SLC36A4: variants seen among roughly 807,000 people sequenced by gnomAD.
The protein encoded by SLC36A4 is solute carrier family 36 member 4, also known as neutral amino acid uniporter 4.
A neutral mutation model predicts 50.5 loss-of-function variants in SLC36A4; 49 were observed. The observed-to-expected ratio is 0.97, with a 90% confidence interval of 0.77 to 1.23. The LOEUF is 1.23. Ranked by LOEUF, SLC36A4 falls within the 50% of genes most tolerant of loss-of-function variation. The pLI is 0.00. For synonymous variants in SLC36A4, 207 were observed against 206.5 expected, an observed-to-expected ratio of 1.00 and a Z score of -0.02; for missense variants, 611 against 608.4, an observed-to-expected ratio of 1.00 and a Z score of -0.05.
intron 3 of SLC36A4, among the ~76,000 whole-genome samples, chr11:93,183,718 G>A (rs1291956236): frequency 6.7e-6 from 1 of 148,946 alleles, no homozygotes; most frequent in Non-Finnish European, 1.5e-5. Context: ...TTTTTTTTGA[G>A]ACAGAGTCTT....
chr11:93,148,539 A>C lies in SLC36A4; in HGVS notation c.1513T>G (p.Ter505GluextTer1), dbSNP rs564894719. 2.3e-4 allele frequency: 367 copies of C among 1,604,328 alleles called. 3 individuals carry two copies. In the South Asian group the frequency reaches 3.4e-3, roughly 15 times the overall value. The change falls in exon 11 of 11, where the codon TAG becomes GAG. Residue 505 changes from the stop codon to glutamate (E), a stop_lost. Coordinates refer to ENST00000326402, the MANE Select transcript of SLC36A4 (RefSeq NM_152313.4). ...GAAGACTCATGATTCTGCTTTTACT[A>C]TTTCAAACCAGATGTTAAGCATGTT... ...NSTCLTSGLK[*>E]
chr11:93,180,363 A>T (rs1012246506), intron 6 of SLC36A4: 1 of 979,388 alleles, frequency 1.0e-6, no homozygotes, highest in African/African-American at 1.8e-5. Flanking sequence ...TTTTGGACAC[A>T]GTGTCTTTTT....
At position 93,197,585 on chromosome 11, in the gene SLC36A4, G is replaced by GC; in HGVS notation, c.55+192dup. ...ACACATATTTTAACGCCCTATTCAG[G>GC]CCTGGGCTTCGTCTGACCAAGTTCT... On this transcript the variant is annotated intron_variant, in intron 1 of 10. Transcript: ENST00000326402. 8.1e-6 allele frequency: 5 copies of GC among 616,754 alleles called. No homozygotes were observed. The South Asian group carries it at 9.7e-5, about 12-fold the overall frequency. 38.2% of individuals were successfully genotyped at this position (616,754 alleles called of 1,614,324 possible).
At chr11:93,196,202 G>A (rs1340288043) in intron 1 of SLC36A4, among the ~76,000 whole-genome samples, 2 of 152,058 alleles carry the variant, frequency 1.3e-5, no homozygotes, top group African/African-American at 4.8e-5. Flanking sequence ...ACTTTTAATG[G>A]TAGGCAATGT....
chr11:93,191,369 G>T (rs534489045), intron 1 of SLC36A4, among the ~76,000 whole-genome samples: 10 of 152,318 alleles, frequency 6.6e-5, no homozygotes, highest in Admixed American at 3.9e-4. Flanking sequence ...AGAAACTTTA[G>T]GTTGGTTTAA....
chr11:93,176,249 T>G (rs964011079), intron 6 of SLC36A4, among the ~76,000 whole-genome samples: 2 of 151,458 alleles, frequency 1.3e-5, no homozygotes, highest in African/African-American at 4.9e-5. Context: ...AAGTCTGTTT[T>G]ATCAGAGACT....
At chr11:93,166,549 C>T (rs1389189357) in intron 7 of SLC36A4, 1 of 252,924 alleles carries the variant, frequency 4.0e-6, no homozygotes, top group Non-Finnish European at 6.3e-6. Flanking sequence ...TGATGGTTGT[C>T]ATTACCCTTA....
rs1271222673 is a variant in SLC36A4 at position 93,145,524 on chromosome 11, C to A, written c.*3013G>T. On this transcript the variant is annotated 3_prime_UTR_variant, in exon 11 of 11. Transcript: ENST00000326402. Reference sequence around the variant, plus strand: ...AAACGTCTGAGAACCAGTGTTTTGACAAGTTGACTCTGATACTGATGAAAC... The same window carrying A: ...AAACGTCTGAGAACCAGTGTTTTGAAAAGTTGACTCTGATACTGATGAAAC... 6.6e-6 allele frequency: 1 copy of A among 152,028 alleles called. No homozygotes were observed. Among genetic ancestry groups the A allele is most frequent in the Non-Finnish European group, 1.5e-5 (1 of 67,988 alleles). The allele number at this position is 152,028 out of a possible 1,614,324, so 9.4% of individuals were successfully genotyped here.
chr11:93,179,330 T>G (rs978094852), intron 6 of SLC36A4, among the ~76,000 whole-genome samples: 1 of 152,174 alleles, frequency 6.6e-6, no homozygotes, highest in Non-Finnish European at 1.5e-5. Context: ...ACAAGAGATA[T>G]GGGAGTCCCT....
At position 93,144,276 on chromosome 11, in the gene SLC36A4, A is replaced by C. The variant is rs775507202; in HGVS notation, c.*4261T>G. On this transcript the variant is annotated 3_prime_UTR_variant, in exon 11 of 11. Transcript: ENST00000326402. ...GAAAAATGTTAAAAGAATTGACTTG[A>C]ATGTTATATTTAGGTTTCATTCAAA... 4.6e-5 allele frequency: 7 copies of C among 152,080 alleles called. No homozygotes were observed. The highest frequency in any genetic ancestry group is 1.0e-4 in the Non-Finnish European group (7 of 67,988). The allele number at this position is 152,080 out of a possible 1,614,324, so 9.4% of individuals were successfully genotyped here. A position where few individuals can be genotyped will look rare whatever the true frequency, so the allele number is the denominator to read the frequency against.
chr11:93,165,620 A>G (rs1860825280), intron 8 of SLC36A4, among the ~76,000 whole-genome samples: 1 of 152,050 alleles, frequency 6.6e-6, no homozygotes, highest in African/African-American at 2.4e-5. Flanking sequence ...ACTACTCTCT[A>G]AATTTTGTAT....
At chr11:93,195,847 C>A (rs1330410179) in intron 1 of SLC36A4, among the ~76,000 whole-genome samples, 1 of 152,168 alleles carries the variant, frequency 6.6e-6, no homozygotes, top group Non-Finnish European at 1.5e-5. Context: ...TTCAATAAGG[C>A]CCATCCCAAC....
At chr11:93,169,784 C>T (rs948004980) in intron 6 of SLC36A4, among the ~76,000 whole-genome samples, 2 of 152,052 alleles carry the variant, frequency 1.3e-5, no homozygotes, top group South Asian at 4.1e-4. Context: ...TGGGGATTTA[C>T]ATTCCTTGGT....
chr11:93,171,166 T>A (rs1304827635), intron 6 of SLC36A4: 8 of 152,054 alleles, frequency 5.3e-5, no homozygotes, highest in Admixed American at 5.2e-4. Flanking sequence ...AAAGGACTTT[T>A]ACCTTTCTAT....
intron 6 of SLC36A4, among the ~76,000 whole-genome samples, chr11:93,172,066 A>G (rs1265581476): frequency 6.6e-6 from 1 of 152,110 alleles, no homozygotes; most frequent in South Asian, 2.1e-4. Flanking sequence ...TTTTTCTGCC[A>G]GAAAATGTGT....
At position 93,154,459 on chromosome 11, in the gene SLC36A4, A is replaced by G. The variant is rs1590931531; in HGVS notation, c.1038-182T>C. 3 of 335,852 alleles carry G rather than the reference A, an allele frequency of 8.9e-6. No homozygotes were observed. The Admixed American group carries it at 1.4e-4, about 16-fold the overall frequency. 20.8% of individuals were successfully genotyped at this position (335,852 alleles called of 1,614,324 possible). A position where few individuals can be genotyped will look rare whatever the true frequency, so the allele number is the denominator to read the frequency against. ...CTCTAACTAAATTTCTAGATGATAC[A>G]AGAACAATTCATTTTCACAAGACTG... On this transcript the variant is annotated intron_variant, in intron 9 of 10. Transcript: ENST00000326402.
chr11:93,159,749 T>A (rs1205805642), intron 9 of SLC36A4: 3 of 890,378 alleles, frequency 3.4e-6, no homozygotes, highest in Non-Finnish European at 4.0e-6. Flanking sequence ...TTTTCAAAGA[T>A]GACAGTTCAG....
chr11:93,181,755 T>C lies in SLC36A4; in HGVS notation c.391A>G (p.Thr131Ala). 1 of 1,555,582 alleles carries C rather than the reference T, an allele frequency of 6.4e-7. No individual in the cohort carries two copies. The highest frequency in any genetic ancestry group is 8.7e-7 in the Non-Finnish European group (1 of 1,145,316). The change falls in exon 5 of 11, where the codon ACT (threonine) becomes GCT (alanine). Residue 131 changes from threonine (T) to alanine (A), a missense_variant. Physicochemically the swap from Thr to Ala is moderately conservative, Grantham distance 58. Coordinates refer to ENST00000326402, the MANE Select transcript of SLC36A4 (RefSeq NM_152313.4). The stretch of plus-strand genomic sequence containing the variant: ...CTCACTTCCATAGCAAAGCTCACAG[T>C]GTCACTATAACCTAATGTTGACTTT... Reference protein sequence around the residue: ...FKKSTLGYSDTVSFAMEVSPW... With the variant: ...FKKSTLGYSDAVSFAMEVSPW...
chr11:93,182,805 C>G lies in SLC36A4; in HGVS notation c.359+1G>C. The stretch of plus-strand genomic sequence containing the variant: ...AATAGGCTTAACAAATCCACATTTA[C>G]CTCAGACATAGAAAGTGACTGCAAC... On this transcript the variant is annotated splice_donor_variant, in intron 4 of 10. Transcript: ENST00000326402. LOFTEE classifies it high-confidence loss of function. 1.3e-6 allele frequency: 2 copies of G among 1,599,550 alleles called. No individual in the cohort carries two copies. Among genetic ancestry groups the G allele is most frequent in the Non-Finnish European group, 1.7e-6 (2 of 1,170,624 alleles).
Sources: gnomAD v4.1 joint callset for allele counts (sites outside exome capture counted in the v4.1 genomes callset) on GRCh38, gnomAD v4.1.1 for gene constraint, MANE v1.5 for transcripts, NCBI Gene and HGNC (gene_info 2026-07-23, HGNC 2026-07-21) for gene names.